The following LAMA2 variants were observed in gnomAD, a reference collection of about 807,000 sequenced individuals.
The protein encoded by LAMA2 is laminin subunit alpha 2.
Under a neutral mutation model 364.8 loss-of-function variants are expected in LAMA2, and 269 were observed. The observed-to-expected ratio is 0.74, with a 90% CI of 0.67 to 0.82. The LOEUF (loss-of-function observed/expected upper bound fraction) is 0.82, where lower values mean the gene tolerates loss of function less well. LAMA2 is among the 40% of genes least tolerant of loss of function. The probability of loss-of-function intolerance (pLI) is 0.00; values close to 1 mark genes in which losing one functional copy is unlikely to be tolerated. For missense variants in LAMA2, 3,807 were observed against 3,873.2 expected (o/e 0.98, Z 0.45); for synonymous variants, 1,379 against 1,370.6 (o/e 1.01, Z -0.14).
intron 1 of LAMA2, among the ~76,000 whole-genome samples, chr6:128,994,123 A>G (rs1783776116): frequency 6.6e-6 from 1 of 152,230 alleles, no homozygotes; most frequent in African/African-American, 2.4e-5. Context: ...GGTCTAAATC[A>G]AAAGGATGGA....
At chr6:129,066,496 A>C (rs1457129325) in intron 3 of LAMA2, among the ~76,000 whole-genome samples, 2 of 152,226 alleles carry the variant, frequency 1.3e-5, no homozygotes, top group African/African-American at 4.8e-5. Flanking sequence ...ATATTATTAA[A>C]ATGTCCATAC....
At chr6:129,203,938 A>G (rs143498044) in intron 12 of LAMA2, among the ~76,000 whole-genome samples, 2 of 152,352 alleles carry the variant, frequency 1.3e-5, no homozygotes, top group East Asian at 3.9e-4. Flanking sequence ...TGTCCGATAA[A>G]TGCCAATTGC....
chr6:129,357,126 A>C (rs951825647), intron 32 of LAMA2, among the ~76,000 whole-genome samples: 1 of 152,192 alleles, frequency 6.6e-6, no homozygotes, highest in African/African-American at 2.4e-5. Context: ...CATTTTATAA[A>C]ATGAGAACAA....
intron 1 of LAMA2, among the ~76,000 whole-genome samples, chr6:128,931,282 T>C (rs1256643807): frequency 6.6e-6 from 1 of 152,202 alleles, no homozygotes; most frequent in Non-Finnish European, 1.5e-5. Flanking sequence ...TTTGAGTCTT[T>C]ATTGTAGTTC....
At chr6:129,258,286 T>C (rs1409638937) in intron 14 of LAMA2, among the ~76,000 whole-genome samples, 1 of 152,138 alleles carries the variant, frequency 6.6e-6, no homozygotes, top group Non-Finnish European at 1.5e-5. Context: ...ATAGGTATTA[T>C]GTGTTCATGA....
At chr6:129,431,728 T>C (rs1781606793) in intron 41 of LAMA2, among the ~76,000 whole-genome samples, 2 of 152,218 alleles carry the variant, frequency 1.3e-5, no homozygotes, top group Non-Finnish European at 1.5e-5. Flanking sequence ...CATATGGTGC[T>C]GTCCCACACA....
Position 129,504,162 on chromosome 6 carries a change from C to T in LAMA2, c.8547+882C>T, listed in dbSNP as rs752234278. ...GAAAGCCAAAGAACCTTAAAAAACGCGAAGCCAACCAATTTGTTATCATGG... is the reference window on the plus strand; with the variant it reads ...GAAAGCCAAAGAACCTTAAAAAACGTGAAGCCAACCAATTTGTTATCATGG... On this transcript the variant is annotated intron_variant, in intron 60 of 64. Transcript: ENST00000421865. 1.2e-3 allele frequency among the ~76,000 whole-genome samples: 176 copies of T among 152,216 alleles called. 3 individuals carry two copies. The highest frequency in any genetic ancestry group is 3.9e-4 in the East Asian group (2 of 5,186).
chr6:129,247,165 A>AG (rs879331516), intron 12 of LAMA2, among the ~76,000 whole-genome samples: 2 of 152,196 alleles, frequency 1.3e-5, no homozygotes, highest in Non-Finnish European at 2.9e-5. Context: ...GAATTACTTA[A>AG]GAGCCTGAGC....
At chr6:129,261,963 G>A (rs534265688) in intron 15 of LAMA2, among the ~76,000 whole-genome samples, 29 of 152,158 alleles carry the variant, frequency 1.9e-4, no homozygotes, top group African/African-American at 7.0e-4. Context: ...AGAGCCTTTT[G>A]CTCTTGATTC....
intron 4 of LAMA2, among the ~76,000 whole-genome samples, chr6:129,143,409 AT>A: frequency 1.3e-5 from 2 of 151,970 alleles, no homozygotes; most frequent in South Asian, 4.1e-4. Flanking sequence ...TTTCCTTGTA[AT>A]TTTTGTTCTC....
At chr6:129,285,246 T>C (rs1221852052) in intron 18 of LAMA2, among the ~76,000 whole-genome samples, 1 of 152,172 alleles carries the variant, frequency 6.6e-6, no homozygotes, top group Non-Finnish European at 1.5e-5. Flanking sequence ...GTTCTCTGTA[T>C]AGAAACACAC....
chr6:128,954,997 T>G (rs1487047083), intron 1 of LAMA2, among the ~76,000 whole-genome samples: 1 of 151,336 alleles, frequency 6.6e-6, no homozygotes, highest in Non-Finnish European at 1.5e-5. Context: ...AAAAAAATAA[T>G]AAGAATCACT....
chr6:128,997,748 T>C (rs1248917922), intron 1 of LAMA2, among the ~76,000 whole-genome samples: 1 of 152,076 alleles, frequency 6.6e-6, no homozygotes, highest in African/African-American at 2.4e-5. Context: ...TGAGCCAAGA[T>C]TGCACCATTG....
At chr6:128,962,460 C>T (rs1180140853) in intron 1 of LAMA2, among the ~76,000 whole-genome samples, 1 of 151,886 alleles carries the variant, frequency 6.6e-6, no homozygotes, top group Non-Finnish European at 1.5e-5. Context: ...TAGAGGGTAG[C>T]TTAAGAGGTT....
chr6:129,393,164 A>C lies in LAMA2; in HGVS notation c.5354A>C (p.Asp1785Ala). The change falls in exon 37 of 65, where the codon GAT becomes GCT. Residue 1785 changes from aspartate to alanine, a missense_variant. By Grantham distance (126) the Asp-to-Ala change is moderately radical. This residue lies in a region of LAMA2 where 3,333 missense variants were observed against 3,345.7 expected (regional missense o/e 1.00). Transcript: ENST00000421865. ...KLADYKNKVD[D>A]AWDLLREATD... ...GCTGACTACAAAAACAAAGTTGATG[A>C]TGCTTGGGACCTTTTGAGAGAAGCC... is the stretch of plus-strand genomic sequence containing the variant. The C allele has an allele frequency of 1.2e-6, 2 of 1,614,092 alleles. No homozygotes were observed. Among genetic ancestry groups the C allele is most frequent in the South Asian group, 1.1e-5 (1 of 91,088 alleles).
chr6:129,242,279 A>AT (rs1785441761), intron 12 of LAMA2, among the ~76,000 whole-genome samples: 1 of 152,182 alleles, frequency 6.6e-6, no homozygotes, highest in Admixed American at 6.6e-5. Context: ...TGAAAGGTTA[A>AT]CTACAATTCT....
intron 34 of LAMA2, among the ~76,000 whole-genome samples, chr6:129,371,484 G>A (rs997152242): frequency 1.3e-5 from 2 of 151,890 alleles, no homozygotes; most frequent in Non-Finnish European, 2.9e-5. Flanking sequence ...TACTTTTTGG[G>A]AGTCTCTCAT....
intron 17 of LAMA2, among the ~76,000 whole-genome samples, chr6:129,277,170 C>T (rs1323699622): frequency 2.0e-5 from 3 of 152,036 alleles, no homozygotes; most frequent in African/African-American, 7.2e-5. Context: ...AGAACATTTT[C>T]TGCTGGTGTG....
At chr6:129,479,795 T>C (rs938585879) in intron 54 of LAMA2, 10 of 152,170 alleles carry the variant, frequency 6.6e-5, no homozygotes, top group African/African-American at 2.4e-4. Flanking sequence ...AACAGAACTT[T>C]CAGGATCTTC....
Sources: allele counts gnomAD v4.1 joint callset (sites outside exome capture counted in the v4.1 genomes callset), GRCh38; gene constraint gnomAD v4.1.1; regional missense constraint gnomAD v4.1.1; transcripts MANE v1.5; gene names NCBI Gene and HGNC (gene_info 2026-07-23, HGNC 2026-07-21).